The following PRKG1 variants were observed in gnomAD, a reference collection of about 807,000 sequenced individuals.
PRKG1 encodes the protein cGMP-dependent protein kinase 1.
Under a neutral mutation model 88.1 loss-of-function variants are expected in PRKG1, and 35 were observed. The ratio of observed to expected loss-of-function variants is 0.40; its 90% CI spans 0.30 to 0.53. The LOEUF (loss-of-function observed/expected upper bound fraction) is 0.53. PRKG1 is among the 20% of genes least tolerant of loss of function. The pLI, the probability that PRKG1 is intolerant of heterozygous loss-of-function variation, is 0.59. For missense variants in PRKG1, 540 were observed against 839.8 expected, an observed-to-expected ratio of 0.64 and a Z score of 4.41; for synonymous variants, 303 against 292.5, an observed-to-expected ratio of 1.04 and a Z score of -0.37.
chr10:52,197,363 A>C (rs183368794), intron 9 of PRKG1, among the ~76,000 whole-genome samples: 72 of 152,296 alleles, frequency 4.7e-4, no homozygotes, highest in African/African-American at 1.7e-3. Context: ...ATACCAAGTG[A>C]TTCTACTGCT....
Position 51,546,994 on chromosome 10 carries a change from A to G in PRKG1, c.592+79158A>G, listed in dbSNP as rs113912576. The stretch of plus-strand genomic sequence containing the variant: ...CTGAGCAGTTCTAGTTGAACCTCCT[A>G]TGGGTGCAAGACTTTGTGACCAATA... On this transcript the variant is annotated intron_variant, in intron 3 of 17. Transcript: ENST00000373980. 9.2e-3 allele frequency among the ~76,000 whole-genome samples: 1,394 copies of G among 152,218 alleles called. 16 individuals are homozygous for G. Among genetic ancestry groups the G allele is most frequent in the African/African-American group, 0.031 (1,281 of 41,562 alleles).
chr10:51,266,692 A>G (rs1359320597), intron 2 of PRKG1, among the ~76,000 whole-genome samples: 2 of 152,226 alleles, frequency 1.3e-5, no homozygotes, highest in African/African-American at 4.8e-5. Flanking sequence ...ACAGAATGGA[A>G]TACTTGCACG....
chr10:51,753,835 G>C (rs1298575181), intron 3 of PRKG1, among the ~76,000 whole-genome samples: 1 of 152,136 alleles, frequency 6.6e-6, no homozygotes, highest in African/African-American at 2.4e-5. Flanking sequence ...AACCCTCTGA[G>C]TTGCTACCAA....
chr10:51,985,059 T>C (rs922670024), intron 5 of PRKG1, among the ~76,000 whole-genome samples: 1 of 152,218 alleles, frequency 6.6e-6, no homozygotes, highest in Admixed American at 6.5e-5. Flanking sequence ...ATAGGACATA[T>C]ATTTTTAGGC....
At chr10:52,124,781 A>G (rs1321854689) in intron 7 of PRKG1, among the ~76,000 whole-genome samples, 1 of 152,042 alleles carries the variant, frequency 6.6e-6, no homozygotes, top group Admixed American at 6.5e-5. Flanking sequence ...GATTTTTTCT[A>G]TTTTTAATTT....
chr10:51,934,407 T>A (rs1272070943), intron 5 of PRKG1, among the ~76,000 whole-genome samples: 1 of 152,178 alleles, frequency 6.6e-6, no homozygotes, highest in Non-Finnish European at 1.5e-5. Flanking sequence ...GTTCTTAACA[T>A]TTTAGCTTCA....
intron 2 of PRKG1, among the ~76,000 whole-genome samples, chr10:51,398,436 C>A (rs763353593): frequency 1.2e-4 from 19 of 152,180 alleles, no homozygotes; most frequent in African/African-American, 4.6e-4. Context: ...CGGTTCCTAA[C>A]AGGTCATGGA....
intron 3 of PRKG1, among the ~76,000 whole-genome samples, chr10:51,570,254 C>T (rs117042871): frequency 6.3e-4 from 95 of 151,786 alleles, no homozygotes; most frequent in Non-Finnish European, 1.1e-3. Context: ...AATTGAACTA[C>T]TAGTAGCCTA....
chr10:51,851,003 C>G (rs895378054), intron 4 of PRKG1, among the ~76,000 whole-genome samples: 5 of 152,146 alleles, frequency 3.3e-5, no homozygotes, highest in African/African-American at 1.2e-4. Context: ...AAGATATGGT[C>G]ATGCCCCTAC....
chr10:51,140,467 C>G (rs760041336), intron 1 of PRKG1, among the ~76,000 whole-genome samples: 5 of 152,154 alleles, frequency 3.3e-5, no homozygotes, highest in Non-Finnish European at 5.9e-5. Flanking sequence ...ACTGACACAC[C>G]TGGACCAGCG....
At chr10:51,441,782 A>G (rs1839114203) in intron 2 of PRKG1, among the ~76,000 whole-genome samples, 1 of 151,804 alleles carries the variant, frequency 6.6e-6, no homozygotes, top group Non-Finnish European at 1.5e-5. Flanking sequence ...AAATTTGATG[A>G]CTCTAAAGGA....
chr10:51,517,387 C>T (rs1301639434), intron 3 of PRKG1, among the ~76,000 whole-genome samples: 1 of 152,120 alleles, frequency 6.6e-6, no homozygotes, highest in Non-Finnish European at 1.5e-5. Flanking sequence ...AGGGTAGTAG[C>T]AGTGGAGATA....
chr10:51,802,654 G>A (rs942425378), intron 3 of PRKG1, among the ~76,000 whole-genome samples: 1 of 152,006 alleles, frequency 6.6e-6, no homozygotes, highest in Non-Finnish European at 1.5e-5. Flanking sequence ...ATGAGACAGG[G>A]ACTTTTCTCT....
Position 51,269,959 on chromosome 10 carries a change from C to G in PRKG1, c.478+116629C>G, listed in dbSNP as rs184094625. 4.6e-5 allele frequency among the ~76,000 whole-genome samples: 7 copies of G among 152,316 alleles called. No individual in the cohort carries two copies. In the East Asian group the frequency reaches 1.3e-3, roughly 29 times the overall value. On this transcript the variant is annotated intron_variant, in intron 2 of 17. Transcript: ENST00000373980. The stretch of plus-strand genomic sequence containing the variant: ...TGCAGTTTGGATCAGGGCTTTCCAA[C>G]ATGTTTCACTTCAGTGCACATAGAA...
chr10:51,497,790 A>C (rs1205950467), intron 3 of PRKG1, among the ~76,000 whole-genome samples: 1 of 152,094 alleles, frequency 6.6e-6, no homozygotes, highest in Non-Finnish European at 1.5e-5. Context: ...AATTTAGAGG[A>C]GCAATCTAAT....
chr10:51,566,927 TA>T (rs796460673), intron 3 of PRKG1, among the ~76,000 whole-genome samples: 72 of 135,788 alleles, frequency 5.3e-4, no homozygotes, highest in African/African-American at 1.4e-3. Flanking sequence ...TACACACACA[TA>T]AAAAAAAAAG....
intron 2 of PRKG1, among the ~76,000 whole-genome samples, chr10:51,329,438 A>G (rs1034459647): frequency 6.6e-6 from 1 of 152,176 alleles, no homozygotes; most frequent in Non-Finnish European, 1.5e-5. Flanking sequence ...CTGTTTTGTC[A>G]TACAAAAGAC....
At chr10:52,029,040 A>G (rs1845414393) in intron 5 of PRKG1, among the ~76,000 whole-genome samples, 2 of 152,202 alleles carry the variant, frequency 1.3e-5, no homozygotes, top group Admixed American at 1.3e-4. Context: ...TCACTTAAGG[A>G]GCCTGACAAA....
intron 4 of PRKG1, among the ~76,000 whole-genome samples, chr10:51,809,875 G>T (rs1391026829): frequency 6.6e-6 from 1 of 152,062 alleles, no homozygotes; most frequent in African/African-American, 2.4e-5. Flanking sequence ...CACTCTTCCA[G>T]ACTCATCTCA....
Sources: allele counts gnomAD v4.1 joint callset (sites outside exome capture counted in the v4.1 genomes callset), GRCh38; gene constraint gnomAD v4.1.1; transcripts MANE v1.5; gene names NCBI Gene and HGNC (gene_info 2026-07-23, HGNC 2026-07-21).